EFHB: variants seen among roughly 807,000 people sequenced by gnomAD.
EFHB encodes EF-hand domain-containing family member B.
In EFHB, 91 loss-of-function variants were observed where a neutral mutation model predicts 87.2. That is an observed-to-expected ratio of 1.04 (90% confidence interval 0.88 to 1.24). EFHB has a LOEUF of 1.24. EFHB is among the 50% of genes most tolerant of loss of function. The probability of loss-of-function intolerance (pLI) is 0.00; values close to 1 mark genes in which losing one functional copy is unlikely to be tolerated. For synonymous variants in EFHB, 325 were observed against 333.6 expected (o/e 0.97, Z 0.28); for missense variants, 1,084 against 998.8 (o/e 1.09, Z -1.15).
At chr3:19,934,267 T>A, upstream of EFHB, 2 of 1,402,306 alleles carry the variant, frequency 1.4e-6, no homozygotes, top group Non-Finnish European at 9.2e-7. Flanking sequence ...GCTCAAGTCC[T>A]GCTTGGACAG....
At position 19,933,806 on chromosome 3, in the gene EFHB, T is replaced by TGC; in HGVS notation, c.212_213insGC (p.Met72GlnfsTer4). ...AAATATTCTGTCTTTCTAATCCCAT[T>TGC]TCAAGCCCCTTGCTCAATGGAAATT... On this transcript the variant is annotated frameshift_variant, in exon 1 of 13. Coordinates refer to ENST00000295824, the MANE Select transcript of EFHB (RefSeq NM_144715.4). LOFTEE classifies it high-confidence loss of function. The TGC allele has an allele frequency of 4.3e-6, 7 of 1,613,982 alleles. No homozygotes were observed. The highest frequency in any genetic ancestry group is 5.1e-6 in the Non-Finnish European group (6 of 1,179,878).
intron 4 of EFHB, among the ~76,000 whole-genome samples, chr3:19,917,658 G>A (rs1695279324): frequency 6.6e-6 from 1 of 152,192 alleles, no homozygotes; most frequent in Non-Finnish European, 1.5e-5. Flanking sequence ...TCTTCAGAGG[G>A]AAGAATGGCC....
upstream of EFHB, among the ~76,000 whole-genome samples, chr3:19,937,288 C>T (rs114732685): frequency 9.0e-3 from 1,367 of 152,206 alleles, 10 homozygotes; most frequent in Non-Finnish European, 0.011. Flanking sequence ...ATTGCATTTT[C>T]CATTTGCAAT....
intron 1 of EFHB, among the ~76,000 whole-genome samples, chr3:19,921,481 C>A (rs1695433557): frequency 6.6e-6 from 1 of 151,594 alleles, no homozygotes; most frequent in African/African-American, 2.4e-5. Context: ...AAGGGAGGGG[C>A]AAAACAACTT....
At chr3:19,943,670 A>C (rs1237691343) in intron 1 of EFHB, among the ~76,000 whole-genome samples, 2 of 152,246 alleles carry the variant, frequency 1.3e-5, no homozygotes, top group Non-Finnish European at 2.9e-5. Flanking sequence ...CATACAGAAT[A>C]GCCTACATGC....
intron 1 of EFHB, among the ~76,000 whole-genome samples, chr3:19,927,620 A>C (rs752759563): frequency 6.6e-6 from 1 of 152,192 alleles, no homozygotes; most frequent in Admixed American, 6.5e-5. Context: ...TCTCTCATTA[A>C]AGTAAGTTCT....
intron 1 of EFHB, among the ~76,000 whole-genome samples, chr3:19,929,211 T>C (rs914871846): frequency 4.0e-5 from 6 of 151,898 alleles, no homozygotes; most frequent in African/African-American, 1.4e-4. Flanking sequence ...TTTTAACTTT[T>C]TTTTTTTTTA....
At chr3:19,884,219 G>T in intron 11 of EFHB, 184 bp downstream of exon 11, 1 of 582,512 alleles carries the variant, frequency 1.7e-6, no homozygotes, top group Non-Finnish European at 3.0e-6. Flanking sequence ...GGTCATCATT[G>T]GCAATTCCGT....
chr3:19,903,253 A>G (rs1694732054), intron 6 of EFHB, among the ~76,000 whole-genome samples: 1 of 151,924 alleles, frequency 6.6e-6, no homozygotes. Flanking sequence ...GAGTAGAGAC[A>G]AGTTGGAGGG....
At chr3:19,940,267 T>C in intron 1 of EFHB, 1 of 232,908 alleles carries the variant, frequency 4.3e-6, no homozygotes, top group Non-Finnish European at 8.7e-6. Flanking sequence ...TGGGCTGGCT[T>C]ATTCAGTGTT....
At chr3:19,891,988 G>A (rs1016467495) in intron 9 of EFHB, among the ~76,000 whole-genome samples, 1 of 152,180 alleles carries the variant, frequency 6.6e-6, no homozygotes. Flanking sequence ...GCTCCTGACA[G>A]ACTGACTACA....
intron 1 of EFHB, chr3:19,940,846 C>A: frequency 2.6e-6 from 1 of 382,812 alleles, no homozygotes; most frequent in Non-Finnish European, 5.2e-6. Flanking sequence ...ATGACATGCT[C>A]ACCTTCATAA....
chr3:19,882,888 G>T (rs1375356266), intron 11 of EFHB, among the ~76,000 whole-genome samples, 157 bp from the exon 12 acceptor site: 1 of 152,092 alleles, frequency 6.6e-6, no homozygotes, highest in Non-Finnish European at 1.5e-5. Flanking sequence ...GTAAAAAAAG[G>T]AAAATATTTA....
At chr3:19,884,382 C>T in intron 11 of EFHB, 21 bp downstream of exon 11, 1 of 1,606,318 alleles carries the variant, frequency 6.2e-7, no homozygotes, top group Non-Finnish European at 8.5e-7. Flanking sequence ...GCTTTTAAAA[C>T]TTGACAAATA....
chr3:19,918,713 G>A (rs560157994), intron 3 of EFHB, among the ~76,000 whole-genome samples: 5 of 151,872 alleles, frequency 3.3e-5, no homozygotes, highest in South Asian at 4.2e-4. Flanking sequence ...AGTGGCTGAC[G>A]CCTGTAATCA....
At chr3:19,905,790 G>A (rs532694286) in intron 5 of EFHB, 41 bp from the exon 6 acceptor site, 51 of 1,561,956 alleles carry the variant, frequency 3.3e-5, no homozygotes, top group South Asian at 1.1e-4. Context: ...TAAGCAACAC[G>A]AATAACCTTA....
At chr3:19,926,353 G>T (rs1293690964) in intron 1 of EFHB, among the ~76,000 whole-genome samples, 1 of 151,648 alleles carries the variant, frequency 6.6e-6, no homozygotes, top group Non-Finnish European at 1.5e-5. Context: ...TTTGTTTTTT[G>T]GGGTTTTTAA....
At position 19,905,811 on chromosome 3, in the gene EFHB, T is replaced by C; in HGVS notation, c.1289-62A>G. 4 of 1,530,314 alleles carry C rather than the reference T, an allele frequency of 2.6e-6. No individual in the cohort carries two copies. In the African/African-American group the frequency reaches 4.1e-5, roughly 16 times the overall value. 94.8% of individuals were successfully genotyped at this position (1,530,314 alleles called of 1,614,324 possible). ...ACACGAATAACCTTATCATGCAAGATGCACACTATGTTCTCATTGACATTG... is the reference window on the plus strand; with the variant it reads ...ACACGAATAACCTTATCATGCAAGACGCACACTATGTTCTCATTGACATTG... On this transcript the variant is annotated intron_variant, in intron 5 of 12. Coordinates refer to ENST00000295824, the MANE Select transcript of EFHB (RefSeq NM_144715.4).
At chr3:19,935,402 C>A (rs1352985925), upstream of EFHB, among the ~76,000 whole-genome samples, 2 of 151,938 alleles carry the variant, frequency 1.3e-5, no homozygotes, top group Non-Finnish European at 1.5e-5. Flanking sequence ...GGATATGAAA[C>A]CCCTAGCTTG....
Sources: allele counts gnomAD v4.1 joint callset (sites outside exome capture counted in the v4.1 genomes callset), GRCh38; gene constraint gnomAD v4.1.1; transcripts MANE v1.5; gene names NCBI Gene and HGNC (gene_info 2026-07-23, HGNC 2026-07-21).